The following GPAM variants were observed in gnomAD, a reference collection of about 807,000 sequenced individuals.
GPAM encodes the protein glycerol-3-phosphate acyltransferase 1, mitochondrial.
GPAM carries 56 observed loss-of-function variants against 105.0 expected under a neutral mutation model. That is an observed-to-expected ratio of 0.53 (90% CI 0.43 to 0.67). GPAM has a LOEUF of 0.67. GPAM is among the 30% of genes least tolerant of loss of function. The pLI is 0.00. For synonymous variants in GPAM, 368 were observed against 354.4 expected (o/e 1.04, Z -0.43); for missense variants, 855 against 989.8 (o/e 0.86, Z 1.83).
chr10:112,211,523 T>C (rs1754286888), intron 1 of GPAM, among the ~76,000 whole-genome samples: 1 of 152,156 alleles, frequency 6.6e-6, no homozygotes, highest in Admixed American at 6.5e-5. Flanking sequence ...TCAGTGGGTC[T>C]CCCACCCCAT....
Position 112,158,219 on chromosome 10 carries a change from C to A in GPAM, c.1980+97G>T. On this transcript the variant is annotated intron_variant, in intron 18 of 21. Transcript: ENST00000348367. ...GTGCTGGGATTACAGGCACATGCCA[C>A]CATGCCTGGCCAATTATTGGTTTAA... 4 of 873,146 alleles carry A rather than the reference C, an allele frequency of 4.6e-6. No homozygotes were observed. In the East Asian group the frequency reaches 7.2e-5, roughly 16 times the overall value. The allele number at this position is 873,146 out of a possible 1,614,324, so 54.1% of individuals were successfully genotyped here.
chr10:112,154,858 T>C (rs1010374876), intron 20 of GPAM, 171 bp from the exon 21 acceptor site: 21 of 677,070 alleles, frequency 3.1e-5, no homozygotes, highest in Middle Eastern at 2.5e-4. Flanking sequence ...TCAGATGACT[T>C]GCTGTTAAAC....
At position 112,152,572 on chromosome 10, in the gene GPAM, GA is replaced by G; in HGVS notation, c.*977del. On this transcript the variant is annotated 3_prime_UTR_variant, in exon 22 of 22. Coordinates refer to ENST00000348367, the MANE Select transcript of GPAM (RefSeq NM_001244949.2). ...CAGTACACAATCTGTGTGCAGTACA[GA>G]AAGCCCTCATCAGCTGTGGCCAGAG... 1.0e-6 allele frequency: 1 copy of G among 985,444 alleles called. No individual in the cohort carries two copies. Among genetic ancestry groups the G allele is most frequent in the Non-Finnish European group, 1.2e-6 (1 of 829,928 alleles). 61.0% of individuals were successfully genotyped at this position (985,444 alleles called of 1,614,324 possible).
intron 9 of GPAM, 67 bp downstream of exon 9, chr10:112,172,115 T>A (rs1311263486): frequency 2.5e-6 from 3 of 1,183,144 alleles, no homozygotes; most frequent in Non-Finnish European, 3.8e-6. Context: ...AAAGCTATAA[T>A]TTAAAAAATT....
intron 1 of GPAM, among the ~76,000 whole-genome samples, chr10:112,194,006 A>G (rs1847694337): frequency 6.6e-6 from 1 of 152,214 alleles, no homozygotes; most frequent in African/African-American, 2.4e-5. Flanking sequence ...CTAGATTATA[A>G]TACAGTAACA....
chr10:112,216,625 C>T (rs1343891335), upstream of GPAM, among the ~76,000 whole-genome samples: 1 of 150,318 alleles, frequency 6.7e-6, no homozygotes, highest in Non-Finnish European at 1.5e-5. Flanking sequence ...TAATTAATTA[C>T]TTTTTTTGTT....
At chr10:112,175,220 T>C (rs1447958710) in intron 6 of GPAM, among the ~76,000 whole-genome samples, 2 of 152,212 alleles carry the variant, frequency 1.3e-5, no homozygotes, top group Non-Finnish European at 2.9e-5. Context: ...ACTCAGTAAC[T>C]GGCAAAAATA....
intron 8 of GPAM, among the ~76,000 whole-genome samples, chr10:112,172,674 C>T (rs781202319): frequency 2.0e-5 from 3 of 152,140 alleles, no homozygotes; most frequent in East Asian, 3.9e-4. Context: ...CTTGAGACAA[C>T]CTATTTATCT....
intron 6 of GPAM, among the ~76,000 whole-genome samples, chr10:112,174,083 T>C (rs532397756): frequency 2.1e-3 from 321 of 151,436 alleles, no homozygotes; most frequent in African/African-American, 7.3e-3. Flanking sequence ...AGACTAAGAA[T>C]TTAATTCAAA....
intron 1 of GPAM, among the ~76,000 whole-genome samples, chr10:112,190,879 G>A (rs58205068): frequency 0.11 from 17,098 of 151,956 alleles, 1,075 homozygotes; most frequent in South Asian, 0.2. Flanking sequence ...GGGCCCACAC[G>A]ACAGACACAG....
intron 5 of GPAM, among the ~76,000 whole-genome samples, chr10:112,177,064 C>G (rs1158656945): frequency 6.6e-6 from 1 of 151,958 alleles, no homozygotes; most frequent in Non-Finnish European, 1.5e-5. Flanking sequence ...GGACCAAAGT[C>G]TCTCCCCTCT....
intron 1 of GPAM, among the ~76,000 whole-genome samples, chr10:112,201,969 G>T (rs887193640): frequency 3.3e-5 from 5 of 152,246 alleles, no homozygotes; most frequent in African/African-American, 1.2e-4. Context: ...TTGCACAACA[G>T]CCCTCCAAGA....
chr10:112,187,067 G>A (rs1346050599), upstream of GPAM, among the ~76,000 whole-genome samples: 3 of 152,040 alleles, frequency 2.0e-5, no homozygotes, highest in Admixed American at 6.5e-5. Flanking sequence ...AACTCCTAAA[G>A]CAACTACTAT....
At chr10:112,157,603 CAGAA>C (rs1847040766) in intron 18 of GPAM, among the ~76,000 whole-genome samples, 1 of 152,100 alleles carries the variant, frequency 6.6e-6, no homozygotes, top group Non-Finnish European at 1.5e-5. Flanking sequence ...GGAGAGCTAC[CAGAA>C]AGAAAGATCA....
intron 3 of GPAM, among the ~76,000 whole-genome samples, chr10:112,180,948 C>T (rs1309602970): frequency 1.3e-5 from 2 of 152,138 alleles, no homozygotes; most frequent in Non-Finnish European, 2.9e-5. Flanking sequence ...AGTCGCACTA[C>T]AGAACTATAA....
At chr10:112,160,550 A>T in intron 16 of GPAM, 54 bp downstream of exon 16, 2 of 1,496,908 alleles carry the variant, frequency 1.3e-6, no homozygotes, top group Non-Finnish European at 1.9e-6. Flanking sequence ...TATGTGTTTT[A>T]GGCCTTTTTA....
intron 15 of GPAM, among the ~76,000 whole-genome samples, chr10:112,161,398 G>A (rs1847120593): frequency 6.6e-6 from 1 of 152,174 alleles, no homozygotes; most frequent in East Asian, 1.9e-4. Flanking sequence ...ACATGTTAAT[G>A]AGTTAGACCT....
At chr10:112,189,676 T>C (rs955030949) in intron 1 of GPAM, among the ~76,000 whole-genome samples, 3 of 152,204 alleles carry the variant, frequency 2.0e-5, no homozygotes, top group South Asian at 2.1e-4. Context: ...TTCTGGGCAA[T>C]GTGAACTGAG....
intron 1 of GPAM, among the ~76,000 whole-genome samples, chr10:112,202,933 A>G (rs1847813953): frequency 1.3e-5 from 2 of 152,242 alleles, no homozygotes; most frequent in Admixed American, 6.5e-5. Context: ...GCATTGAAGC[A>G]AAATATCAAC....
Sources: allele counts gnomAD v4.1 joint callset (sites outside exome capture counted in the v4.1 genomes callset), GRCh38; gene constraint gnomAD v4.1.1; transcripts MANE v1.5; gene names NCBI Gene and HGNC (gene_info 2026-07-23, HGNC 2026-07-21).